The following LHFPL2 variants were observed in gnomAD, a reference collection of about 807,000 sequenced individuals.
LHFPL2 encodes LHFPL tetraspan subfamily member 2, also known as LHFPL tetraspan subfamily member 2 protein.
LHFPL2 carries 7 observed loss-of-function variants against 17.5 expected under a neutral mutation model. The observed-to-expected ratio is 0.40, with a 90% CI of 0.23 to 0.75. The LOEUF is 0.75. Ranked by LOEUF, LHFPL2 falls within the 30% of genes least tolerant of loss-of-function variation. LHFPL2 has a pLI of 0.37. For missense variants in LHFPL2, 241 were observed against 294.8 expected, an observed-to-expected ratio of 0.82 and a Z score of 1.34; for synonymous variants, 134 against 116.2, an observed-to-expected ratio of 1.15 and a Z score of -0.99.
chr5:78,502,589 C>T (rs747657620), intron 4 of LHFPL2, among the ~76,000 whole-genome samples: 6 of 152,242 alleles, frequency 3.9e-5, no homozygotes, highest in East Asian at 1.9e-4. Context: ...GGCAGGATCA[C>T]GAAAGACAGA....
chr5:78,558,552 G>C (rs1471851395), intron 3 of LHFPL2, among the ~76,000 whole-genome samples: 2 of 152,030 alleles, frequency 1.3e-5, no homozygotes, highest in African/African-American at 2.4e-5. Context: ...ATGTGGCCCA[G>C]GCTGGTCTCA....
At chr5:78,504,897 C>A (rs1410336781) in intron 4 of LHFPL2, among the ~76,000 whole-genome samples, 1 of 152,198 alleles carries the variant, frequency 6.6e-6, no homozygotes, top group Admixed American at 6.5e-5. Context: ...TGGACTGAGA[C>A]CCATGCAGGC....
At chr5:78,624,032 A>G (rs1157480727) in intron 2 of LHFPL2, among the ~76,000 whole-genome samples, 1 of 152,246 alleles carries the variant, frequency 6.6e-6, no homozygotes, top group Non-Finnish European at 1.5e-5. Flanking sequence ...AAGATGAAAT[A>G]CACTCTTTTC....
At chr5:78,612,803 T>C (rs935290182) in intron 2 of LHFPL2, among the ~76,000 whole-genome samples, 23 of 152,240 alleles carry the variant, frequency 1.5e-4, no homozygotes, top group African/African-American at 5.1e-4. Context: ...CACTTAATCC[T>C]GCATTTAAAG....
chr5:78,607,205 C>G (rs572253396), intron 2 of LHFPL2, among the ~76,000 whole-genome samples: 5 of 152,154 alleles, frequency 3.3e-5, no homozygotes, highest in Non-Finnish European at 7.4e-5. Context: ...CTCTGCCTCC[C>G]AGGTTCAAGC....
At chr5:78,549,297 G>A (rs962595803) in intron 3 of LHFPL2, 1 of 152,236 alleles carries the variant, frequency 6.6e-6, no homozygotes, top group African/African-American at 2.4e-5. Context: ...CAGACCCTTT[G>A]AGGCTGAGAC....
chr5:78,575,384 T>A (rs945790058), intron 2 of LHFPL2, among the ~76,000 whole-genome samples: 1 of 151,916 alleles, frequency 6.6e-6, no homozygotes, highest in Non-Finnish European at 1.5e-5. Flanking sequence ...CCGTCTCTAC[T>A]AAAAATACAA....
chr5:78,620,755 G>A (rs951473456), intron 2 of LHFPL2, among the ~76,000 whole-genome samples: 6 of 152,160 alleles, frequency 3.9e-5, no homozygotes, highest in Non-Finnish European at 7.3e-5. Flanking sequence ...TATGAGCACC[G>A]AGGCTGAGAA....
At chr5:78,512,471 C>A (rs1372752372) in intron 3 of LHFPL2, among the ~76,000 whole-genome samples, 4 of 151,408 alleles carry the variant, frequency 2.6e-5, no homozygotes, top group Admixed American at 2.0e-4. Context: ...CTCCCTCCTC[C>A]AGATAGTACC....
intron 2 of LHFPL2, among the ~76,000 whole-genome samples, chr5:78,596,550 T>C (rs552719703): frequency 6.6e-6 from 1 of 152,308 alleles, no homozygotes; most frequent in East Asian, 1.9e-4. Context: ...CTAGTAAAAA[T>C]GATTGACCTT....
intron 2 of LHFPL2, among the ~76,000 whole-genome samples, chr5:78,579,126 A>G (rs987057568): frequency 1.4e-4 from 22 of 152,168 alleles, no homozygotes; most frequent in African/African-American, 5.3e-4. Context: ...ACAGATGAAA[A>G]TTGTCCTTAA....
intron 2 of LHFPL2, among the ~76,000 whole-genome samples, chr5:78,611,441 A>T (rs1295624468): frequency 6.6e-6 from 1 of 152,132 alleles, no homozygotes; most frequent in Non-Finnish European, 1.5e-5. Context: ...CTGCTCAGTA[A>T]TTCACATTCC....
At chr5:78,593,833 C>T (rs1426462605) in intron 2 of LHFPL2, among the ~76,000 whole-genome samples, 2 of 152,130 alleles carry the variant, frequency 1.3e-5, no homozygotes, top group South Asian at 4.1e-4. Flanking sequence ...CATGACTGTC[C>T]CCAGTCCTTC....
At chr5:78,633,487 G>A (rs1302545217) in intron 1 of LHFPL2, among the ~76,000 whole-genome samples, 1 of 152,226 alleles carries the variant, frequency 6.6e-6, no homozygotes, top group Non-Finnish European at 1.5e-5. Context: ...AGAATCTCTG[G>A]GGTGGGACCC....
chr5:78,527,521 T>A (rs540429199), intron 3 of LHFPL2, among the ~76,000 whole-genome samples: 126 of 152,072 alleles, frequency 8.3e-4, no homozygotes, highest in African/African-American at 2.9e-3. Context: ...CTCAAAAGGA[T>A]CAGAAATTTG....
intron 4 of LHFPL2, among the ~76,000 whole-genome samples, chr5:78,502,471 T>C (rs1355226291): frequency 2.0e-5 from 3 of 152,232 alleles, no homozygotes; most frequent in African/African-American, 7.2e-5. Flanking sequence ...CATCAGTTAG[T>C]GATGAAGCCT....
chr5:78,625,879 T>C (rs2112506096), intron 2 of LHFPL2: 1 of 152,370 alleles, frequency 6.6e-6, no homozygotes, highest in East Asian at 1.9e-4. Context: ...AGAAGCTCTG[T>C]GAAGTCTCTC....
chr5:78,584,501 A>G (rs1336820189), intron 2 of LHFPL2, among the ~76,000 whole-genome samples: 1 of 152,122 alleles, frequency 6.6e-6, no homozygotes, highest in Admixed American at 6.5e-5. Context: ...TCCTTCTAAC[A>G]GACAGGACCC....
At chr5:78,627,192 T>G (rs1358854422) in intron 2 of LHFPL2, among the ~76,000 whole-genome samples, 1 of 152,114 alleles carries the variant, frequency 6.6e-6, no homozygotes, top group African/African-American at 2.4e-5. Flanking sequence ...AGGGTGTGAA[T>G]GAAGACGGAC....
Sources: allele counts gnomAD v4.1 joint callset (sites outside exome capture counted in the v4.1 genomes callset), GRCh38; gene constraint gnomAD v4.1.1; transcripts MANE v1.5; gene names NCBI Gene and HGNC (gene_info 2026-07-23, HGNC 2026-07-21).